PLK2: variants seen among roughly 807,000 people sequenced by gnomAD.
The protein encoded by PLK2 is serine/threonine-protein kinase PLK2.
A neutral mutation model predicts 78.1 loss-of-function variants in PLK2; 25 were observed. That is an observed-to-expected ratio of 0.32 (90% CI 0.23 to 0.45). The LOEUF (loss-of-function observed/expected upper bound fraction) is 0.45. PLK2 is among the 20% of genes least tolerant of loss of function. PLK2 has a pLI of 1.00. For synonymous variants in PLK2, 332 were observed against 298.2 expected (o/e 1.11, Z -1.17); for missense variants, 566 against 840.2 (o/e 0.67, Z 4.04).
At chr5:58,456,915 G>T (rs374104530) in intron 8 of PLK2, 30 bp downstream of exon 8, 1 of 1,461,944 alleles carries the variant, frequency 6.8e-7, no homozygotes, top group Non-Finnish European at 9.3e-7. Flanking sequence ...TATTGGGTAC[G>T]AAAAAGGAAA....
intron 5 of PLK2, 41 bp downstream of exon 5, chr5:58,458,043 C>A (rs147743798): frequency 6.4e-4 from 778 of 1,210,294 alleles, no homozygotes; most frequent in Middle Eastern, 4.9e-3. Context: ...CATATTTGGT[C>A]TCCACAAAAG....
chr5:58,457,384 G>A lies in PLK2; in HGVS notation c.810-5C>T. 6 of 1,607,152 alleles carry A rather than the reference G, an allele frequency of 3.7e-6. No individual in the cohort carries two copies. The highest frequency in any genetic ancestry group is 3.4e-6 in the Non-Finnish European group (4 of 1,173,664). ...CTCCCTAGTAACATTGTATACCTGTGTGCAAAGAAACACATCTTTAGCAAT... is the reference window on the plus strand; with the variant it reads ...CTCCCTAGTAACATTGTATACCTGTATGCAAAGAAACACATCTTTAGCAAT... On this transcript the variant is annotated splice_region_variant and splice_polypyrimidine_tract_variant and intron_variant, in intron 6 of 13. Coordinates refer to ENST00000274289, the MANE Select transcript of PLK2 (RefSeq NM_006622.4).
At chr5:58,459,661 C>T (rs1056432975) in intron 1 of PLK2, 29 bp downstream of exon 1, 22 of 1,525,888 alleles carry the variant, frequency 1.4e-5, no homozygotes, top group Non-Finnish European at 1.9e-5. Flanking sequence ...TCCCGCCCGC[C>T]CGGCAGCCCG....
chr5:58,455,194 ATCTGTT>A, intron 12 of PLK2, 85 bp downstream of exon 12: 1 of 1,447,974 alleles, frequency 6.9e-7, no homozygotes, highest in Admixed American at 1.8e-5. Flanking sequence ...GGTCAGGAGA[ATCTGTT>A]TCTAACAAGC....
chr5:58,459,506 G>A (rs1743697765), intron 1 of PLK2, 184 bp downstream of exon 1: 2 of 599,266 alleles, frequency 3.3e-6, no homozygotes, highest in Admixed American at 6.0e-5. Context: ...AGAATGCAAA[G>A]CCGATCCCCA....
Position 58,457,332 on chromosome 5 carries a change from T to C in PLK2, c.857A>G (p.Lys286Arg), listed in dbSNP as rs771938066. The change falls in exon 7 of 14, where the codon AAA (lysine) becomes AGA (arginine). Residue 286 changes from lysine to arginine, a missense_variant. Coordinates refer to ENST00000274289, the MANE Select transcript of PLK2 (RefSeq NM_006622.4). ...GRPPFETTNL[K>R]ETYRCIREAR... Reference sequence around the variant, plus strand: ...TTCCCTTATGCACCTATAAGTTTCTTTGAGATTTGTAGTTTCAAATGGGGG... The same window carrying C: ...TTCCCTTATGCACCTATAAGTTTCTCTGAGATTTGTAGTTTCAAATGGGGG... 25 of 1,613,676 alleles carry C rather than the reference T, an allele frequency of 1.5e-5. No homozygotes were observed. Among genetic ancestry groups the C allele is most frequent in the Non-Finnish European group, 2.1e-5 (25 of 1,179,668 alleles).
rs191435553 is a variant in PLK2, at chr5:58,460,000, G to A, written c.-41C>T. ...CCGCACTGCCCGCTGCCACCCCCTA[G>A]GCGCGGTCACACGTCCGAGCCGGCC... is the stretch of plus-strand genomic sequence containing the variant. On this transcript the variant is annotated 5_prime_UTR_variant, in exon 1 of 14. Coordinates refer to ENST00000274289, the MANE Select transcript of PLK2 (RefSeq NM_006622.4). The A allele has an allele frequency of 1.3e-6, 2 of 1,541,900 alleles. No homozygotes were observed. The highest frequency in any genetic ancestry group is 1.7e-6 in the Non-Finnish European group (2 of 1,145,164).
chr5:58,459,568 T>C, intron 1 of PLK2, 122 bp downstream of exon 1: 3 of 834,164 alleles, frequency 3.6e-6, no homozygotes, highest in South Asian at 3.7e-5. Flanking sequence ...CACCTCGCGC[T>C]GGGATCGGAC....
intron 12 of PLK2, 132 bp from the exon 13 acceptor site, chr5:58,455,153 C>A: frequency 2.5e-6 from 3 of 1,215,024 alleles, no homozygotes; most frequent in Non-Finnish European, 3.6e-6. Context: ...CCTCCACCTC[C>A]CGGAGATTCT....
Position 58,457,589 on chromosome 5 carries a change from A to AAGAC in PLK2, c.714-10_714-7dup. ...TTGGGGTACCACATATCGTTCTGGA[A>AAGAC]AGACAAAATATTGAGATCGTGTTAG... On this transcript the variant is annotated splice_region_variant and splice_polypyrimidine_tract_variant and intron_variant, in intron 5 of 13. Transcript: ENST00000274289. The AAGAC allele has an allele frequency of 6.5e-7, 1 of 1,536,430 alleles. No individual in the cohort carries two copies. Among genetic ancestry groups the AAGAC allele is most frequent in the Non-Finnish European group, 9.0e-7 (1 of 1,109,300 alleles).
At chr5:58,456,380 T>G in intron 9 of PLK2, 112 bp downstream of exon 9, 1 of 853,786 alleles carries the variant, frequency 1.2e-6, no homozygotes, top group South Asian at 1.7e-5. Context: ...GAAGAAAAAC[T>G]TTAAGTAAAT....
Position 58,454,551 on chromosome 5 carries a change from A to C in PLK2, c.*32T>G. On this transcript the variant is annotated 3_prime_UTR_variant, in exon 14 of 14. Coordinates refer to ENST00000274289, the MANE Select transcript of PLK2 (RefSeq NM_006622.4). ...CCCTGTAGATCTCACAGTGGAAAAG[A>C]GGAGTCCCATAGGGTCCATTCGAAA... 7.0e-7 allele frequency: 1 copy of C among 1,429,224 alleles called. No individual in the cohort carries two copies. The highest frequency in any genetic ancestry group is 1.2e-5 in the South Asian group (1 of 80,278). The allele number at this position is 1,429,224 out of a possible 1,614,324, so 88.5% of individuals were successfully genotyped here.
Position 58,457,566 on chromosome 5 carries a change from G to A in PLK2, c.731C>T (p.Pro244Leu). ...EHRRRTICGT[P>L]NYLSPEVLNK... ...GAGGACTTCAGGAGAGAGATAATTT[G>A]GGGTACCACATATCGTTCTGGAAAG... The change falls in exon 6 of 14, where the codon CCA (proline) becomes CTA (leucine). Residue 244 changes from proline (P) to leucine (L), a missense_variant. Physicochemically the swap from Pro to Leu is moderately conservative, Grantham distance 98. Around this residue, in one of 5 missense-constraint regions of PLK2, gnomAD observed 179 missense variants for 342.3 expected, o/e 0.52. Transcript: ENST00000274289. 2.5e-6 allele frequency: 4 copies of A among 1,608,126 alleles called. No homozygotes were observed. Among genetic ancestry groups the A allele is most frequent in the Non-Finnish European group, 3.4e-6 (4 of 1,174,586 alleles).
rs148954251 is a variant in PLK2, at chr5:58,456,074, G to A, written c.1336C>T (p.Arg446Trp). ...ENKQQIGDAI[R>W]MIVRGTLGSC... ...CCAAGAGTCCCTCTGACTATCATCC[G>A]AATAGCATCCCCAATCTGCTGCTTG... Residue 446 changes from arginine (R) to tryptophan (W), a missense_variant, in exon 10 of 14, where the codon CGG (arginine) becomes TGG (tryptophan). Physicochemically the swap from Arg to Trp is moderately radical, Grantham distance 101. Around this residue, in one of 5 missense-constraint regions of PLK2, gnomAD observed 129 missense variants for 156.0 expected, o/e 0.83. Transcript: ENST00000274289. 7 of 1,613,764 alleles carry A rather than the reference G, an allele frequency of 4.3e-6. No homozygotes were observed. The highest frequency in any genetic ancestry group is 2.2e-5 in the East Asian group (1 of 44,880).
intron 3 of PLK2, 79 bp downstream of exon 3, chr5:58,458,646 A>T: frequency 7.8e-7 from 1 of 1,276,576 alleles, no homozygotes; most frequent in South Asian, 1.3e-5. Context: ...GCCACAGCTA[A>T]AATCCCAGAT....
Position 58,454,550 on chromosome 5 carries a change from G to C in PLK2, c.*33C>G, listed in dbSNP as rs746750278. 2.1e-6 allele frequency: 3 copies of C among 1,423,246 alleles called. No homozygotes were observed. The highest frequency in any genetic ancestry group is 2.9e-6 in the Non-Finnish European group (3 of 1,025,698). 88.2% of individuals were successfully genotyped at this position (1,423,246 alleles called of 1,614,324 possible). ...TCCCTGTAGATCTCACAGTGGAAAA[G>C]AGGAGTCCCATAGGGTCCATTCGAA... is the stretch of plus-strand genomic sequence containing the variant. On this transcript the variant is annotated 3_prime_UTR_variant, in exon 14 of 14. Coordinates refer to ENST00000274289, the MANE Select transcript of PLK2 (RefSeq NM_006622.4).
chr5:58,459,528 GC>G, intron 1 of PLK2, 161 bp downstream of exon 1: 1 of 617,698 alleles, frequency 1.6e-6, no homozygotes, highest in East Asian at 2.8e-5. Flanking sequence ...CGCTGCCGGC[GC>G]ACAAAAGCCA....
intron 1 of PLK2, 144 bp downstream of exon 1, chr5:58,459,546 A>G: frequency 1.5e-6 from 1 of 664,338 alleles, no homozygotes; most frequent in East Asian, 2.8e-5. Context: ...GCCAGAGGGC[A>G]GGTGAGGAGC....
Position 58,458,750 on chromosome 5 carries a change from A to G in PLK2, c.470T>C (p.Ile157Thr). 6.3e-7 allele frequency: 1 copy of G among 1,575,528 alleles called. No individual in the cohort carries two copies. Among genetic ancestry groups the G allele is most frequent in the Non-Finnish European group, 8.7e-7 (1 of 1,144,816 alleles). ...CCTTCTACTGCAGTATTCCAAGAGA[A>G]TGTAAATGTTTTCTTTGTCCTCGAA... ...HYFEDKENIY[I>T]LLEYCSRRSM... Residue 157 changes from isoleucine to threonine, a missense_variant, in exon 3 of 14, where the codon ATT (isoleucine) becomes ACT (threonine). This residue lies in a region of PLK2 where 179 missense variants were observed against 342.3 expected (regional missense o/e 0.52). Coordinates refer to ENST00000274289, the MANE Select transcript of PLK2 (RefSeq NM_006622.4).
Sources: allele counts gnomAD v4.1 joint callset, GRCh38; gene constraint gnomAD v4.1.1; regional missense constraint gnomAD v4.1.1; transcripts MANE v1.5; gene names NCBI Gene and HGNC (gene_info 2026-07-23, HGNC 2026-07-21).